The following PCDH15 variants were observed in gnomAD, a reference collection of about 807,000 sequenced individuals.
The protein encoded by PCDH15 is protocadherin-15.
A neutral mutation model predicts 178.5 loss-of-function variants in PCDH15; 129 were observed. The observed-to-expected ratio is 0.72, with a 90% CI of 0.63 to 0.84. The LOEUF (loss-of-function observed/expected upper bound fraction) is 0.84, where lower values mean the gene tolerates loss of function less well. PCDH15 is among the 40% of genes least tolerant of loss of function. The pLI is 0.00. For synonymous variants in PCDH15, 800 were observed against 732.0 expected, an observed-to-expected ratio of 1.09 and a Z score of -1.50; for missense variants, 2,230 against 2,099.9, an observed-to-expected ratio of 1.06 and a Z score of -1.21.
chr10:54,266,284 A>G (rs7091022), intron 8 of PCDH15, among the ~76,000 whole-genome samples: 106,437 of 151,412 alleles, frequency 0.7, 38,309 homozygotes, highest in Middle Eastern at 0.77. Flanking sequence ...CACAATGAAC[A>G]AAAACCTCTG....
chr10:54,170,513 C>T (rs2046780915), intron 13 of PCDH15, among the ~76,000 whole-genome samples: 1 of 151,710 alleles, frequency 6.6e-6, no homozygotes, highest in Middle Eastern at 3.4e-3. Context: ...TTCCTCATAC[C>T]TGATGCATAT....
In PCDH15 at chr10:54,020,332, T is replaced by C. The variant is rs1454260431; in HGVS notation, c.2611A>G (p.Thr871Ala). ...VKHFFALHPF[T>A]GELSLLRSLD... Reference sequence around the variant, plus strand: ...CTCCTTAAAAGCGATAGTTCTCCTGTAAATGGATGTAGTGCAAAAAAGTGC... The same window carrying C: ...CTCCTTAAAAGCGATAGTTCTCCTGCAAATGGATGTAGTGCAAAAAAGTGC... Residue 871 changes from threonine (T) to alanine (A), a missense_variant, in exon 20 of 38, where the codon ACA (threonine) becomes GCA (alanine). Coordinates refer to ENST00000644397, the MANE Select transcript of PCDH15 (RefSeq NM_001384140.1). 1 of 1,613,870 alleles carries C rather than the reference T, an allele frequency of 6.2e-7. No homozygotes were observed. Among genetic ancestry groups the C allele is most frequent in the Admixed American group, 1.7e-5 (1 of 59,980 alleles).
At chr10:55,341,801 ATATATTTTTTTTTTTTTTTTT>A (rs1382667616) in intron 2 of PCDH15, among the ~76,000 whole-genome samples, 1 of 11,390 alleles carries the variant, frequency 8.8e-5, no homozygotes, top group Non-Finnish European at 1.6e-4. Context: ...ATATATATAT[ATATATTTTTTTTTTTTTTTTT>A]TTTTTTTTTA....
At chr10:54,770,972 T>C (rs961263931) in intron 1 of PCDH15, among the ~76,000 whole-genome samples, 34 of 152,098 alleles carry the variant, frequency 2.2e-4, no homozygotes, top group African/African-American at 7.5e-4. Context: ...TATTAGATGA[T>C]ATCAATGTGC....
At chr10:54,907,747 T>C (rs144706574) in intron 2 of PCDH15, among the ~76,000 whole-genome samples, 16 of 152,330 alleles carry the variant, frequency 1.1e-4, no homozygotes, top group African/African-American at 3.1e-4. Context: ...GATATTGCAA[T>C]ATTGTGATCT....
At chr10:54,172,402 A>T (rs374952373) in intron 13 of PCDH15, among the ~76,000 whole-genome samples, 36 of 151,972 alleles carry the variant, frequency 2.4e-4, no homozygotes, top group Middle Eastern at 6.8e-3. Flanking sequence ...TATCTCCCTT[A>T]GCTGACTCTC....
At chr10:55,568,495 TAATTACATTATGTGTATTTTTACC>T (rs1451931166) in intron 2 of PCDH15, among the ~76,000 whole-genome samples, 3 of 151,896 alleles carry the variant, frequency 2.0e-5, no homozygotes, top group Non-Finnish European at 4.4e-5. Context: ...TGATTAATGA[TAATTACATTATGTGTATTTTTACC>T]AAAATACAAA....
At chr10:53,822,126 G>A (rs777360584) in intron 32 of PCDH15, 2 of 1,606,350 alleles carry the variant, frequency 1.2e-6, no homozygotes, top group African/African-American at 1.5e-5. Context: ...CACTGTCGTT[G>A]TTGATAGCTG....
intron 2 of PCDH15, among the ~76,000 whole-genome samples, chr10:55,528,430 A>T (rs372540212): frequency 2.0e-5 from 3 of 151,712 alleles, no homozygotes; most frequent in East Asian, 2.0e-4. Context: ...CCTGTGTCCA[A>T]GTGTTCTCAT....
intron 21 of PCDH15, among the ~76,000 whole-genome samples, chr10:53,983,469 C>T (rs1285038478): frequency 6.6e-6 from 1 of 151,482 alleles, no homozygotes; most frequent in Non-Finnish European, 1.5e-5. Flanking sequence ...CTGGAATGAC[C>T]AATATGTTTT....
chr10:54,386,595 T>C (rs1949963115), intron 3 of PCDH15, among the ~76,000 whole-genome samples: 1 of 152,118 alleles, frequency 6.6e-6, no homozygotes, highest in Non-Finnish European at 1.5e-5. Flanking sequence ...GCAGAATATA[T>C]AAAGAACTTC....
rs562731025 is a variant in PCDH15 at position 54,462,512 on chromosome 10, CTTTTTT to C, written c.157+65294_157+65299del. Among the ~76,000 whole-genome samples, 5 of 66,886 alleles carry C rather than the reference CTTTTTT, an allele frequency of 7.5e-5. No homozygotes were observed. The Admixed American group carries it at 1.1e-3, about 15-fold the overall frequency. The allele number at this position is 66,886 out of a possible 152,430, so 43.9% of individuals were successfully genotyped here. A position where few individuals can be genotyped will look rare whatever the true frequency, so the allele number is the denominator to read the frequency against. ...TTTCTTTTCTTTTTCTTTTTCTTTT[CTTTTTT>C]TTTTTTTTTTTTTTGAGATGGAGTC... On this transcript the variant is annotated intron_variant, in intron 3 of 37. Coordinates refer to ENST00000644397, the MANE Select transcript of PCDH15 (RefSeq NM_001384140.1).
intron 23 of PCDH15, among the ~76,000 whole-genome samples, chr10:53,949,464 A>G (rs2086834326): frequency 6.6e-6 from 1 of 152,188 alleles, no homozygotes; most frequent in African/African-American, 2.4e-5. Context: ...TTCTTTCCAA[A>G]CTATTGTTCA....
At chr10:54,402,113 T>G (rs1170590152) in intron 3 of PCDH15, among the ~76,000 whole-genome samples, 2 of 151,874 alleles carry the variant, frequency 1.3e-5, no homozygotes, top group Non-Finnish European at 2.9e-5. Flanking sequence ...AAAATCTTAT[T>G]AACAGAGTGA....
At chr10:55,268,353 A>T (rs564666185) in intron 1 of PCDH15, among the ~76,000 whole-genome samples, 2 of 152,302 alleles carry the variant, frequency 1.3e-5, no homozygotes, top group Non-Finnish European at 2.9e-5. Flanking sequence ...ACACAAATAC[A>T]TACACACAAA....
chr10:54,924,350 G>T lies in PCDH15; in HGVS notation c.-79-26850C>A, dbSNP rs1053559174. Among the ~76,000 whole-genome samples the T allele has an allele frequency of 1.6e-4, 22 of 137,428 alleles. 3 individuals carry two copies. The highest frequency in any genetic ancestry group is 5.0e-4 in the African/African-American group (20 of 39,900). 90.2% of individuals were successfully genotyped at this position (137,428 alleles called of 152,430 possible). On this transcript the variant is annotated intron_variant, in intron 2 of 5. Coordinates refer to the PCDH15 transcript ENST00000458638. ...AACCAAACCATATCAACTACTAATG[G>T]GCATTTAGGTAGATTCCACATCTTT...
intron 3 of PCDH15, among the ~76,000 whole-genome samples, chr10:54,422,170 C>T (rs1955612707): frequency 6.6e-6 from 1 of 151,612 alleles, no homozygotes; most frequent in African/African-American, 2.4e-5. Context: ...AGGAGAAAGT[C>T]AAGGGAAATA....
chr10:53,946,857 A>G (rs142221766), intron 23 of PCDH15, among the ~76,000 whole-genome samples: 3,053 of 152,268 alleles, frequency 0.02, 48 homozygotes, highest in Non-Finnish European at 0.025. Flanking sequence ...GGCTCACTGC[A>G]ACCTGTGGCT....
chr10:54,591,644 AC>A (rs1356978795), intron 2 of PCDH15, among the ~76,000 whole-genome samples: 1 of 152,210 alleles, frequency 6.6e-6, no homozygotes, highest in Admixed American at 6.5e-5. Context: ...CAGCTAGAAA[AC>A]AATTTTAAAA....
Sources: gnomAD v4.1 joint callset for allele counts (sites outside exome capture counted in the v4.1 genomes callset) on GRCh38, gnomAD v4.1.1 for gene constraint, MANE v1.5 for transcripts, NCBI Gene and HGNC (gene_info 2026-07-23, HGNC 2026-07-21) for gene names.